Variants in MGAT4C observed in about 807,000 individuals in gnomAD.
The protein encoded by MGAT4C is alpha-1,3-mannosyl-glycoprotein 4-beta-N-acetylglucosaminyltransferase C.
In MGAT4C, 19 loss-of-function variants were observed where a neutral mutation model predicts 40.1. The ratio of observed to expected loss-of-function variants is 0.47; its 90% CI spans 0.33 to 0.70. MGAT4C has a LOEUF of 0.70. Among genes scored for constraint, MGAT4C ranks in the 30% least tolerant of loss-of-function variants. The pLI, the probability that MGAT4C is intolerant of heterozygous loss-of-function variation, is 0.02. For synonymous variants in MGAT4C, 181 were observed against 187.1 expected, an observed-to-expected ratio of 0.97 and a Z score of 0.27; for missense variants, 491 against 563.2, an observed-to-expected ratio of 0.87 and a Z score of 1.30.
intron 1 of MGAT4C, among the ~76,000 whole-genome samples, chr12:86,805,341 T>C (rs949754566): frequency 4.0e-5 from 6 of 151,886 alleles, no homozygotes; most frequent in African/African-American, 7.2e-5. Flanking sequence ...TAGTATATGA[T>C]AGGTATTCAA....
chr12:86,298,794 A>G (rs1272458973), intron 4 of MGAT4C, among the ~76,000 whole-genome samples: 17 of 152,170 alleles, frequency 1.1e-4, no homozygotes. Flanking sequence ...GCAAGAAATG[A>G]GAATATTGTA....
chr12:86,491,441 T>A (rs1958131986), intron 2 of MGAT4C, among the ~76,000 whole-genome samples: 1 of 152,154 alleles, frequency 6.6e-6, no homozygotes, highest in South Asian at 2.1e-4. Context: ...AAAAAGCTTA[T>A]CCACCAAGAT....
At chr12:86,584,874 G>C (rs1357958522) in intron 2 of MGAT4C, among the ~76,000 whole-genome samples, 2 of 145,328 alleles carry the variant, frequency 1.4e-5, no homozygotes, top group Admixed American at 7.2e-5. Flanking sequence ...TTCATTGATA[G>C]TCATTTGCAT....
At chr12:86,489,310 C>A (rs145210543) in intron 2 of MGAT4C, among the ~76,000 whole-genome samples, 2 of 152,280 alleles carry the variant, frequency 1.3e-5, no homozygotes, top group African/African-American at 4.8e-5. Flanking sequence ...GCTTTCATCA[C>A]CCAGTAAAAT....
At chr12:86,036,090 T>C (rs1465396261) in intron 2 of MGAT4C, among the ~76,000 whole-genome samples, 1 of 150,024 alleles carries the variant, frequency 6.7e-6, no homozygotes, top group Non-Finnish European at 1.5e-5. Context: ...AAATTTGAAG[T>C]AGTTTTTTCC....
At chr12:86,664,332 C>A (rs1193942303) in intron 2 of MGAT4C, among the ~76,000 whole-genome samples, 2 of 151,546 alleles carry the variant, frequency 1.3e-5, no homozygotes, top group African/African-American at 4.8e-5. Flanking sequence ...TGCAGGATTC[C>A]TTCTGTCTCT....
chr12:86,535,638 C>T (rs182501028), intron 2 of MGAT4C, among the ~76,000 whole-genome samples: 3 of 152,110 alleles, frequency 2.0e-5, no homozygotes, highest in Admixed American at 2.0e-4. Context: ...AATGAGAAAC[C>T]TCCTTCAACA....
intron 2 of MGAT4C, among the ~76,000 whole-genome samples, chr12:86,515,348 T>A (rs1958664131): frequency 6.6e-6 from 1 of 152,160 alleles, no homozygotes. Flanking sequence ...AAACTATTTC[T>A]CTTCCCAGAA....
chr12:86,263,820 A>T (rs1952719050), intron 4 of MGAT4C, among the ~76,000 whole-genome samples: 1 of 152,026 alleles, frequency 6.6e-6, no homozygotes, highest in African/African-American at 2.4e-5. Context: ...CTTTTCTCTA[A>T]ATTCTCACTA....
rs1348251478 is a variant in MGAT4C, at chr12:85,976,485, T to C, written c.*2804A>G. The C allele has an allele frequency of 6.6e-6, 1 of 150,486 alleles. No homozygotes were observed. Among genetic ancestry groups the C allele is most frequent in the Non-Finnish European group, 1.5e-5 (1 of 67,018 alleles). The allele number at this position is 150,486 out of a possible 1,614,324, so 9.3% of individuals were successfully genotyped here. A position where few individuals can be genotyped will look rare whatever the true frequency, so the allele number is the denominator to read the frequency against. On this transcript the variant is annotated 3_prime_UTR_variant, in exon 5 of 5. Transcript: ENST00000611864. ...AGGAGAATTTTAAGACTAAGTAAGG[T>C]TTTTAGTGAGCTTAAATTATACAAT...
intron 2 of MGAT4C, among the ~76,000 whole-genome samples, chr12:86,488,486 G>T (rs2136320191): frequency 6.6e-6 from 1 of 151,692 alleles, no homozygotes; most frequent in African/African-American, 2.4e-5. Flanking sequence ...TTTATCTAAG[G>T]CAGATACCTA....
chr12:86,172,444 C>G (rs1363896671), intron 1 of MGAT4C, among the ~76,000 whole-genome samples: 1 of 152,082 alleles, frequency 6.6e-6, no homozygotes, highest in Non-Finnish European at 1.5e-5. Context: ...ACCAGGTCTT[C>G]TGGTAGTCAC....
chr12:86,477,177 T>C (rs1380969488), intron 2 of MGAT4C, among the ~76,000 whole-genome samples: 1 of 151,914 alleles, frequency 6.6e-6, no homozygotes, highest in Non-Finnish European at 1.5e-5. Context: ...TAAAATTGAC[T>C]TTTGTACATT....
intron 1 of MGAT4C, among the ~76,000 whole-genome samples, chr12:86,743,269 G>A (rs1462760914): frequency 2.0e-5 from 3 of 151,356 alleles, no homozygotes; most frequent in Admixed American, 1.3e-4. Context: ...GCCATACTGT[G>A]TAACTTTAAA....
chr12:86,659,015 T>C (rs1329905028), intron 2 of MGAT4C, among the ~76,000 whole-genome samples: 1 of 152,130 alleles, frequency 6.6e-6, no homozygotes, highest in Non-Finnish European at 1.5e-5. Context: ...CTATGATTAA[T>C]GTGTAATATT....
At chr12:86,019,886 C>G (rs1889500487) in intron 2 of MGAT4C, among the ~76,000 whole-genome samples, 1 of 152,040 alleles carries the variant, frequency 6.6e-6, no homozygotes, top group African/African-American at 2.4e-5. Flanking sequence ...GTTTGTAGTT[C>G]TCCTTGAAGA....
intron 2 of MGAT4C, among the ~76,000 whole-genome samples, chr12:86,683,952 C>T (rs920375948): frequency 6.6e-6 from 1 of 152,184 alleles, no homozygotes; most frequent in African/African-American, 2.4e-5. Flanking sequence ...TGAATGACCT[C>T]ATGCAACGAT....
intron 2 of MGAT4C, among the ~76,000 whole-genome samples, chr12:86,610,560 T>TG (rs1485258851): frequency 1.2e-3 from 8 of 6,542 alleles, no homozygotes; most frequent in East Asian, 0.14. Flanking sequence ...TTTTGTTTTT[T>TG]GTTTTTTTTT....
chr12:86,498,335 A>G (rs61950784), intron 2 of MGAT4C, among the ~76,000 whole-genome samples: 14,950 of 151,744 alleles, frequency 0.099, 993 homozygotes, highest in Middle Eastern at 0.25. Context: ...TTTTTTTCCA[A>G]TAAACACATT....
Sources: allele counts gnomAD v4.1 joint callset (sites outside exome capture counted in the v4.1 genomes callset), GRCh38; gene constraint gnomAD v4.1.1; transcripts MANE v1.5; gene names NCBI Gene and HGNC (gene_info 2026-07-23, HGNC 2026-07-21).